IQANK1: variants seen among roughly 807,000 people sequenced by gnomAD.
IQANK1 encodes the protein IQ motif and ankyrin repeat domain-containing protein 1.
In IQANK1, 30 loss-of-function variants were observed where a neutral mutation model predicts 22.6. The ratio of observed to expected loss-of-function variants is 1.33; its 90% confidence interval spans 0.99 to 1.80. The LOEUF (loss-of-function observed/expected upper bound fraction) is 1.80, where lower values mean the gene tolerates loss of function less well. Among genes scored for constraint, IQANK1 ranks in the 40% most tolerant of loss-of-function variants. The pLI is 0.00. For missense variants in IQANK1, 275 were observed against 235.2 expected (o/e 1.17, Z -1.11); for synonymous variants, 122 against 99.6 (o/e 1.23, Z -1.34).
At chr8:143,777,970 G>A (rs1188426534) in intron 7 of IQANK1, among the ~76,000 whole-genome samples, 6 of 152,062 alleles carry the variant, frequency 3.9e-5, no homozygotes, top group African/African-American at 7.2e-5. Context: ...CGAGGCGGGC[G>A]GATCACGAGG....
At chr8:143,740,494 A>G (rs1455112833) in intron 3 of IQANK1, among the ~76,000 whole-genome samples, 2 of 152,054 alleles carry the variant, frequency 1.3e-5, no homozygotes, top group Non-Finnish European at 2.9e-5. Flanking sequence ...GTCTCCACGC[A>G]CCCGCTGCCT....
At chr8:143,734,920 C>G (rs2129729640) in intron 1 of IQANK1, among the ~76,000 whole-genome samples, 1 of 151,916 alleles carries the variant, frequency 6.6e-6, no homozygotes, top group South Asian at 2.1e-4. Flanking sequence ...CACTTAGGGC[C>G]CCTCCCCCTC....
At chr8:143,770,395 G>T (rs6558390) in intron 3 of IQANK1, among the ~76,000 whole-genome samples, 52,482 of 152,014 alleles carry the variant, frequency 0.35, 10,880 homozygotes, top group African/African-American at 0.57. Context: ...TGCCACTCGG[G>T]GTCCCGCCCT....
At chr8:143,748,863 TATAAATATATAAATATATATATC>T (rs1351259712) in intron 3 of IQANK1, among the ~76,000 whole-genome samples, 97 of 103,010 alleles carry the variant, frequency 9.4e-4, no homozygotes, top group African/African-American at 4.4e-3. Flanking sequence ...ATATATCATA[TATAAATATATAAATATATATATC>T]ATAAATACTT....
chr8:143,759,270 C>T (rs74340062), intron 3 of IQANK1: 8,887 of 173,180 alleles, frequency 0.051, 487 homozygotes, highest in African/African-American at 0.14. Flanking sequence ...GCAAACATAG[C>T]CTGGTTCATC....
chr8:143,785,742 T>C (rs1819873985), intron 7 of IQANK1, among the ~76,000 whole-genome samples: 2 of 134,408 alleles, frequency 1.5e-5, no homozygotes. Context: ...TTTTTTTTTC[T>C]CTGAGATGGA....
rs777862764 is a variant in IQANK1, at chr8:143,790,076, G to A, written c.1289+12G>A. 30 of 1,232,008 alleles carry A rather than the reference G, an allele frequency of 2.4e-5. No homozygotes were observed. Among genetic ancestry groups the A allele is most frequent in the Admixed American group, 8.4e-5 (2 of 23,708 alleles). The allele number at this position is 1,232,008 out of a possible 1,614,324, so 76.3% of individuals were successfully genotyped here. A position where few individuals can be genotyped will look rare whatever the true frequency, so the allele number is the denominator to read the frequency against. On this transcript the variant is annotated intron_variant, in intron 12 of 13. Transcript: ENST00000527139. Reference sequence around the variant, plus strand: ...CGTGCCGATGGCCGGTCAGTTCTCCGGGCCAGACGTGGGCGATTTGGGGTT... The same window carrying A: ...CGTGCCGATGGCCGGTCAGTTCTCCAGGCCAGACGTGGGCGATTTGGGGTT...
chr8:143,789,374 G>A, intron 9 of IQANK1, 62 bp from the exon 10 acceptor site: 2 of 937,326 alleles, frequency 2.1e-6, no homozygotes, highest in Non-Finnish European at 2.8e-6. Flanking sequence ...CCCTGGGCCA[G>A]GAGTGACCTG....
At position 143,776,854 on chromosome 8, in the gene IQANK1, G is replaced by A. The variant is rs556420418; in HGVS notation, c.789+4372G>A. Among the ~76,000 whole-genome samples the A allele has an allele frequency of 2.6e-5, 4 of 152,254 alleles. No individual in the cohort carries two copies. The South Asian group carries it at 8.3e-4, about 32-fold the overall frequency. On this transcript the variant is annotated intron_variant, in intron 7 of 13. Coordinates refer to ENST00000527139, the MANE Select transcript of IQANK1 (RefSeq NM_001381874.1). ...TTCTGAGAAGCGTGAAGGAAGCAGTGCCTACTCCCGTCAGCCAGGGTGAAA... is the reference window on the plus strand; with the variant it reads ...TTCTGAGAAGCGTGAAGGAAGCAGTACCTACTCCCGTCAGCCAGGGTGAAA...
intron 3 of IQANK1, chr8:143,743,253 G>A: frequency 2.8e-6 from 1 of 357,006 alleles, no homozygotes; most frequent in South Asian, 2.1e-5. Flanking sequence ...TTTGAGACAG[G>A]GTCAGCTGTC....
At chr8:143,788,770 G>A (rs1375382355) in intron 7 of IQANK1, 145 bp from the exon 8 acceptor site, 1 of 397,000 alleles carries the variant, frequency 2.5e-6, no homozygotes, top group Non-Finnish European at 4.4e-6. Flanking sequence ...CATGCTTTGG[G>A]GCCCACCACG....
In IQANK1 at chr8:143,743,654, GCAGGACAT is replaced by G. The variant is rs1308422967; in HGVS notation, c.175+3707_175+3714del. Among the ~76,000 whole-genome samples, 3 of 152,176 alleles carry G rather than the reference GCAGGACAT, an allele frequency of 2.0e-5. No homozygotes were observed. The East Asian group carries it at 5.8e-4, about 29-fold the overall frequency. Reference sequence around the variant, plus strand: ...CTTAAGCTGAACTTCCGTAGATCTGGCAGGACATTTAACACCAGAACACGAAGCCTGCT... The same window carrying G: ...CTTAAGCTGAACTTCCGTAGATCTGGTTAACACCAGAACACGAAGCCTGCT... On this transcript the variant is annotated intron_variant, in intron 3 of 13. Coordinates refer to ENST00000527139, the MANE Select transcript of IQANK1 (RefSeq NM_001381874.1).
chr8:143,773,367 C>G (rs1278084488), intron 7 of IQANK1, among the ~76,000 whole-genome samples: 4 of 151,602 alleles, frequency 2.6e-5, no homozygotes, highest in Non-Finnish European at 2.9e-5. Flanking sequence ...GCTGGAGACA[C>G]AATGCCTGGA....
At chr8:143,739,174 C>A (rs559786987) in intron 2 of IQANK1, among the ~76,000 whole-genome samples, 1 of 152,118 alleles carries the variant, frequency 6.6e-6, no homozygotes, top group Non-Finnish European at 1.5e-5. Flanking sequence ...TTTGGGTCTC[C>A]AGGCTGGAGG....
intron 2 of IQANK1, among the ~76,000 whole-genome samples, chr8:143,739,075 G>T (rs1818823769): frequency 6.6e-6 from 1 of 152,250 alleles, no homozygotes; most frequent in South Asian, 2.1e-4. Flanking sequence ...GGTCATGGAG[G>T]TGGGGCGGGG....
intron 2 of IQANK1, among the ~76,000 whole-genome samples, chr8:143,736,175 C>T (rs1256391214): frequency 6.7e-5 from 10 of 148,394 alleles, no homozygotes; most frequent in African/African-American, 2.5e-4. Context: ...GAGTCTCGCT[C>T]TTGTCACCCA....
intron 11 of IQANK1, 50 bp from the exon 12 acceptor site, chr8:143,789,921 G>A (rs1259673390): frequency 4.1e-6 from 5 of 1,231,868 alleles, no homozygotes. Context: ...AGCCCAGGGC[G>A]GGGTCCGGCG....
chr8:143,743,792 A>T (rs1354990309), intron 3 of IQANK1: 1 of 396,206 alleles, frequency 2.5e-6, no homozygotes, highest in African/African-American at 2.1e-5. Flanking sequence ...GATCAGAAAC[A>T]TTAGTTTCAT....
intron 3 of IQANK1, among the ~76,000 whole-genome samples, chr8:143,770,542 A>G (rs1432397922): frequency 2.0e-5 from 3 of 152,090 alleles, no homozygotes; most frequent in Non-Finnish European, 4.4e-5. Context: ...GTCTCGCCTC[A>G]TCCCGCCATT....
Sources: gnomAD v4.1 joint callset for allele counts (sites outside exome capture counted in the v4.1 genomes callset) on GRCh38, gnomAD v4.1.1 for gene constraint, MANE v1.5 for transcripts, NCBI Gene and HGNC (gene_info 2026-07-23, HGNC 2026-07-21) for gene names.